Variants in MTMR3 observed in about 807,000 individuals in gnomAD.
The protein encoded by MTMR3 is myotubularin related protein 3.
In MTMR3, 32 loss-of-function variants were observed where a neutral mutation model predicts 132.4. The observed-to-expected ratio is 0.24, with a 90% CI of 0.18 to 0.32. MTMR3 has a LOEUF of 0.32. MTMR3 is among the 10% of genes least tolerant of loss of function. The probability of loss-of-function intolerance (pLI) is 1.00; values close to 1 mark genes in which losing one functional copy is unlikely to be tolerated. For missense variants in MTMR3, 1,216 were observed against 1,489.6 expected (o/e 0.82, Z 3.02); for synonymous variants, 556 against 550.3 (o/e 1.01, Z -0.14).
chr22:29,926,059 T>C (rs527318593), intron 1 of MTMR3, among the ~76,000 whole-genome samples: 95 of 152,312 alleles, frequency 6.2e-4, no homozygotes, highest in African/African-American at 2.2e-3. Flanking sequence ...TTCCCACTCC[T>C]CTTTAGACCT....
intron 10 of MTMR3, chr22:30,007,689 G>A: frequency 1.7e-6 from 1 of 601,392 alleles, no homozygotes. Context: ...TGTGTACTCT[G>A]GGAGTCAGTT....
At chr22:29,956,334 C>A (rs57724305) in intron 1 of MTMR3, among the ~76,000 whole-genome samples, 1 of 152,038 alleles carries the variant, frequency 6.6e-6, no homozygotes, top group Non-Finnish European at 1.5e-5. Context: ...GAAACCTCCA[C>A]GTCTCGTGTT....
At position 29,906,330 on chromosome 22, in the gene MTMR3, A is replaced by ATCTG. The variant is rs879820101; in HGVS notation, c.-138+22975_-138+22978dup. Among the ~76,000 whole-genome samples, 71 of 133,430 alleles carry ATCTG rather than the reference A, an allele frequency of 5.3e-4. 1 individual carries two copies. The highest frequency in any genetic ancestry group is 2.0e-3 in the African/African-American group (68 of 34,464). The allele number at this position is 133,430 out of a possible 152,430, so 87.5% of individuals were successfully genotyped here. A position where few individuals can be genotyped will look rare whatever the true frequency, so the allele number is the denominator to read the frequency against. ...TATCTATCTATCTATCTATCTATCT[A>ATCTG]TCTGTCTATCTATCTATCTATGACG... On this transcript the variant is annotated intron_variant, in intron 1 of 19. Coordinates refer to ENST00000401950, the MANE Select transcript of MTMR3 (RefSeq NM_021090.4).
At chr22:29,981,070 C>T (rs552826285) in intron 5 of MTMR3, 2 of 152,196 alleles carry the variant, frequency 1.3e-5, no homozygotes, top group South Asian at 4.1e-4. Context: ...TGAAGCCTTT[C>T]TTAGTCCCAG....
chr22:29,975,145 G>GCT (rs1476603655), intron 3 of MTMR3, among the ~76,000 whole-genome samples: 2 of 152,172 alleles, frequency 1.3e-5, no homozygotes, highest in Non-Finnish European at 2.9e-5. Context: ...TAGAGAAGCA[G>GCT]CTCTGATGGT....
intron 2 of MTMR3, among the ~76,000 whole-genome samples, chr22:29,958,049 G>A (rs751642328): frequency 3.9e-5 from 6 of 152,094 alleles, no homozygotes; most frequent in Non-Finnish European, 8.8e-5. Flanking sequence ...GGGATCCACA[G>A]GGGGTCTTGG....
In MTMR3 at chr22:29,919,241, A is replaced by C. The variant is rs187212233; in HGVS notation, c.-138+35882A>C. 4.6e-5 allele frequency among the ~76,000 whole-genome samples: 7 copies of C among 152,186 alleles called. No individual in the cohort carries two copies. In the East Asian group the frequency reaches 1.4e-3, roughly 29 times the overall value. On this transcript the variant is annotated intron_variant, in intron 1 of 19. Transcript: ENST00000401950. ...GGGGAAAAAGTTTTCTCTAGGTCTC[A>C]TCTCTCAATTCTTTAGCAAGGCATA...
chr22:29,888,573 A>G (rs1195093895), intron 1 of MTMR3, among the ~76,000 whole-genome samples: 3 of 152,208 alleles, frequency 2.0e-5, no homozygotes, highest in Non-Finnish European at 4.4e-5. Context: ...AACAAAGCAC[A>G]TGAACTTATG....
intron 17 of MTMR3, 94 bp downstream of exon 17, chr22:30,020,978 G>A: frequency 8.0e-7 from 1 of 1,253,284 alleles, no homozygotes; most frequent in Non-Finnish European, 1.1e-6. Flanking sequence ...GATTGGTACA[G>A]GTTGTTAAAG....
At chr22:29,994,386 A>G (rs1190788226) in intron 7 of MTMR3, 2 of 125,000 alleles carry the variant, frequency 1.6e-5, no homozygotes, top group Admixed American at 8.4e-5. Context: ...TTAATTAAAA[A>G]CAAACCAAAA....
intron 1 of MTMR3, among the ~76,000 whole-genome samples, chr22:29,895,699 G>C (rs1285722319): frequency 6.6e-6 from 1 of 152,174 alleles, no homozygotes; most frequent in African/African-American, 2.4e-5. Flanking sequence ...TCGATTTGCT[G>C]AGCATACTTC....
intron 1 of MTMR3, among the ~76,000 whole-genome samples, chr22:29,923,364 G>T (rs2065457114): frequency 6.6e-6 from 1 of 151,536 alleles, no homozygotes; most frequent in African/African-American, 2.4e-5. Context: ...GAGCCACTGT[G>T]CCCAGCTTGT....
intron 18 of MTMR3, 172 bp downstream of exon 18, chr22:30,022,311 G>C (rs568460375): frequency 1.6e-6 from 1 of 621,990 alleles, no homozygotes; most frequent in Non-Finnish European, 2.8e-6. Flanking sequence ...GGATTTCTGA[G>C]CCAGGGAGAC....
At chr22:29,970,819 A>C (rs1445956776) in intron 2 of MTMR3, among the ~76,000 whole-genome samples, 157 bp from the exon 3 acceptor site, 7 of 152,032 alleles carry the variant, frequency 4.6e-5, no homozygotes, top group Non-Finnish European at 1.0e-4. Context: ...GCTGGGTGAT[A>C]ATCAACTTTT....
intron 1 of MTMR3, among the ~76,000 whole-genome samples, chr22:29,894,502 CCG>C (rs1491297840): frequency 1.1e-5 from 1 of 95,096 alleles, no homozygotes; most frequent in Non-Finnish European, 2.2e-5. Context: ...AGTTCTGTAT[CCG>C]TGTGTGTGTG....
intron 12 of MTMR3, 59 bp from the exon 13 acceptor site, chr22:30,012,309 G>A (rs1333617171): frequency 3.9e-6 from 6 of 1,539,798 alleles, no homozygotes; most frequent in South Asian, 1.2e-5. Context: ...CAATCATTGA[G>A]CATGATGCAG....
chr22:29,960,952 C>T (rs1055527296), intron 2 of MTMR3, among the ~76,000 whole-genome samples: 1 of 152,142 alleles, frequency 6.6e-6, no homozygotes, highest in Non-Finnish European at 1.5e-5. Context: ...CTGAAAGTTG[C>T]TGCTCCCACT....
At chr22:29,957,670 A>G (rs939499476) in intron 2 of MTMR3, among the ~76,000 whole-genome samples, 2 of 152,024 alleles carry the variant, frequency 1.3e-5, no homozygotes, top group African/African-American at 4.8e-5. Context: ...CCAGGCTGAT[A>G]TAGTTCTTTT....
intron 1 of MTMR3, among the ~76,000 whole-genome samples, chr22:29,910,936 A>G (rs1476309964): frequency 1.3e-5 from 2 of 152,180 alleles, no homozygotes; most frequent in Non-Finnish European, 2.9e-5. Context: ...TAGTAGGATT[A>G]TTGATAATTC....
Sources: allele counts gnomAD v4.1 joint callset (sites outside exome capture counted in the v4.1 genomes callset), GRCh38; gene constraint gnomAD v4.1.1; transcripts MANE v1.5; gene names NCBI Gene and HGNC (gene_info 2026-07-23, HGNC 2026-07-21).